ST6GALNAC3: variants seen among roughly 807,000 people sequenced by gnomAD.
The protein encoded by ST6GALNAC3 is alpha-N-acetylgalactosaminide alpha-2,6-sialyltransferase 3.
A neutral mutation model predicts 32.7 loss-of-function variants in ST6GALNAC3; 25 were observed. The ratio of observed to expected loss-of-function variants is 0.76; its 90% CI spans 0.56 to 1.07. The LOEUF (loss-of-function observed/expected upper bound fraction) is 1.07. Among genes scored for constraint, ST6GALNAC3 ranks in the 50% least tolerant of loss-of-function variants. The probability of loss-of-function intolerance (pLI) is 0.00; values close to 1 mark genes in which losing one functional copy is unlikely to be tolerated. For synonymous variants in ST6GALNAC3, 129 were observed against 133.1 expected (o/e 0.97, Z 0.21); for missense variants, 355 against 382.4 (o/e 0.93, Z 0.60).
chr1:76,204,062 G>A (rs536845427), intron 1 of ST6GALNAC3, among the ~76,000 whole-genome samples: 21 of 151,766 alleles, frequency 1.4e-4, no homozygotes, highest in Admixed American at 1.3e-4. Flanking sequence ...ACTACTCTTC[G>A]TGGCCTCTGC....
chr1:76,302,105 T>G (rs1199271699), intron 1 of ST6GALNAC3, among the ~76,000 whole-genome samples: 1 of 152,014 alleles, frequency 6.6e-6, no homozygotes, highest in African/African-American at 2.4e-5. Context: ...CCACCATATT[T>G]CATTGATTTT....
rs1657142668 is a variant in ST6GALNAC3, at chr1:76,244,408, C to T, written c.19-69397C>T. ...TCATCTGCAAACAGAGACAATTTGT[C>T]TTCCTTTCTTCCTATTTGAATACAC... On this transcript the variant is annotated intron_variant, in intron 1 of 4. Transcript: ENST00000328299. Among the ~76,000 whole-genome samples the T allele has an allele frequency of 2.0e-5, 3 of 152,114 alleles. No homozygotes were observed. The South Asian group carries it at 6.2e-4, about 32-fold the overall frequency.
intron 1 of ST6GALNAC3, among the ~76,000 whole-genome samples, chr1:76,136,166 C>G (rs2100253582): frequency 6.6e-6 from 1 of 152,308 alleles, no homozygotes; most frequent in East Asian, 1.9e-4. Flanking sequence ...AAAGCGACAG[C>G]TACAGCCCAT....
At chr1:76,196,741 G>A (rs1035531623) in intron 1 of ST6GALNAC3, among the ~76,000 whole-genome samples, 1 of 152,132 alleles carries the variant, frequency 6.6e-6, no homozygotes, top group Non-Finnish European at 1.5e-5. Flanking sequence ...GCTATTACAG[G>A]TGTGAGCCAC....
chr1:76,364,030 G>A (rs1004402723), intron 2 of ST6GALNAC3, among the ~76,000 whole-genome samples: 2 of 152,246 alleles, frequency 1.3e-5, no homozygotes, highest in South Asian at 4.1e-4. Flanking sequence ...AAGCACCTTA[G>A]CTTCTTATTG....
At chr1:76,267,767 A>G (rs1352868859) in intron 1 of ST6GALNAC3, among the ~76,000 whole-genome samples, 1 of 152,212 alleles carries the variant, frequency 6.6e-6, no homozygotes, top group Non-Finnish European at 1.5e-5. Flanking sequence ...GCTCTTTGTG[A>G]ATGGAAAGCA....
intron 1 of ST6GALNAC3, among the ~76,000 whole-genome samples, chr1:76,107,709 G>A (rs941033451): frequency 1.3e-5 from 2 of 152,092 alleles, no homozygotes; most frequent in African/African-American, 2.4e-5. Flanking sequence ...ACAGCCCTGC[G>A]GGTGAACACT....
chr1:76,525,604 T>C (rs1662817547), intron 3 of ST6GALNAC3, among the ~76,000 whole-genome samples: 1 of 151,576 alleles, frequency 6.6e-6, no homozygotes, highest in Non-Finnish European at 1.5e-5. Context: ...TTCTCACTAC[T>C]GGTACAAGAG....
At chr1:76,505,535 A>T (rs1256457747) in intron 3 of ST6GALNAC3, among the ~76,000 whole-genome samples, 1 of 152,228 alleles carries the variant, frequency 6.6e-6, no homozygotes, top group Non-Finnish European at 1.5e-5. Flanking sequence ...ATTGTCATTC[A>T]CTTATAAATA....
chr1:76,570,758 G>T (rs1383222982), intron 3 of ST6GALNAC3, among the ~76,000 whole-genome samples: 2 of 151,980 alleles, frequency 1.3e-5, no homozygotes, highest in Non-Finnish European at 2.9e-5. Flanking sequence ...CACCACTCTG[G>T]TTGTTCTTTC....
intron 1 of ST6GALNAC3, among the ~76,000 whole-genome samples, chr1:76,209,960 AG>A (rs1655047363): frequency 6.6e-6 from 1 of 152,172 alleles, no homozygotes; most frequent in South Asian, 2.1e-4. Flanking sequence ...CGTTGTCTCC[AG>A]GGGCTCCAAC....
At position 76,478,003 on chromosome 1, in the gene ST6GALNAC3, G is replaced by T. The variant is rs1475144357; in HGVS notation, c.623+65586G>T. Reference sequence around the variant, plus strand: ...TTAAACCAGTCTAATCCATGTCAAGGTCCTCTTTGGAAGGGGAGTAGCAAG... The same window carrying T: ...TTAAACCAGTCTAATCCATGTCAAGTTCCTCTTTGGAAGGGGAGTAGCAAG... On this transcript the variant is annotated intron_variant, in intron 3 of 4. Coordinates refer to ENST00000328299, the MANE Select transcript of ST6GALNAC3 (RefSeq NM_152996.4). Among the ~76,000 whole-genome samples the T allele has an allele frequency of 5.3e-5, 8 of 152,156 alleles. No homozygotes were observed. In the East Asian group the frequency reaches 1.3e-3, roughly 26 times the overall value.
At chr1:76,572,114 CT>C (rs35323311) in intron 3 of ST6GALNAC3, among the ~76,000 whole-genome samples, 2 of 151,758 alleles carry the variant, frequency 1.3e-5, no homozygotes, top group South Asian at 2.1e-4. Flanking sequence ...GCTATCATTC[CT>C]TTTTTTTCCT....
chr1:76,341,637 C>CT (rs1230079404), intron 2 of ST6GALNAC3, among the ~76,000 whole-genome samples: 2 of 137,260 alleles, frequency 1.5e-5, no homozygotes, highest in African/African-American at 5.8e-5. Context: ...TTCTTTCTTT[C>CT]TTTCTTTCTT....
chr1:76,452,792 A>G (rs1657502824), intron 3 of ST6GALNAC3, among the ~76,000 whole-genome samples: 1 of 152,160 alleles, frequency 6.6e-6, no homozygotes, highest in African/African-American at 2.4e-5. Context: ...TACTGGCTTC[A>G]TAGAATGACT....
chr1:76,575,305 C>A (rs1037161282), intron 3 of ST6GALNAC3, among the ~76,000 whole-genome samples: 1 of 152,044 alleles, frequency 6.6e-6, no homozygotes, highest in Non-Finnish European at 1.5e-5. Flanking sequence ...TTCAATGGAA[C>A]CTGAAAGCTG....
At chr1:76,212,543 GC>G (rs1010385455) in intron 1 of ST6GALNAC3, among the ~76,000 whole-genome samples, 5 of 152,100 alleles carry the variant, frequency 3.3e-5, no homozygotes, top group Admixed American at 2.6e-4. Flanking sequence ...GGAGTTTGAA[GC>G]CTTAGTTTTT....
chr1:76,544,313 A>T (rs1664164082), intron 3 of ST6GALNAC3, among the ~76,000 whole-genome samples: 1 of 152,146 alleles, frequency 6.6e-6, no homozygotes, highest in African/African-American at 2.4e-5. Context: ...AAGGAATTTT[A>T]AGCAGGATTG....
intron 1 of ST6GALNAC3, among the ~76,000 whole-genome samples, chr1:76,111,954 T>A (rs1405806437): frequency 6.6e-6 from 1 of 152,074 alleles, no homozygotes; most frequent in African/African-American, 2.4e-5. Flanking sequence ...AGCTGTTGAG[T>A]ACACCTCCCA....
Sources: allele counts gnomAD v4.1 joint callset (sites outside exome capture counted in the v4.1 genomes callset), GRCh38; gene constraint gnomAD v4.1.1; transcripts MANE v1.5; gene names NCBI Gene and HGNC (gene_info 2026-07-23, HGNC 2026-07-21).